ARID1B: variants seen among roughly 807,000 people sequenced by gnomAD.
ARID1B encodes the protein AT-rich interaction domain 1B, also known as AT-rich interactive domain-containing protein 1B.
Under a neutral mutation model 212.3 loss-of-function variants are expected in ARID1B, and 30 were observed. The ratio of observed to expected loss-of-function variants is 0.14; its 90% CI spans 0.11 to 0.19. The LOEUF (loss-of-function observed/expected upper bound fraction) is 0.19. ARID1B is among the 10% of genes least tolerant of loss of function. ARID1B has a pLI of 1.00. For missense variants in ARID1B, 2,891 were observed against 3,204.0 expected (o/e 0.90, Z 2.36); for synonymous variants, 1,402 against 1,301.7 (o/e 1.08, Z -1.66).
At chr6:157,085,997 A>G (rs1332417134) in intron 5 of ARID1B, among the ~76,000 whole-genome samples, 7 of 152,144 alleles carry the variant, frequency 4.6e-5, no homozygotes, top group Admixed American at 1.3e-4. Flanking sequence ...ACAAACATTC[A>G]TAGAGTATAT....
intron 7 of ARID1B, among the ~76,000 whole-genome samples, chr6:157,139,487 G>A (rs1439698925): frequency 2.0e-5 from 3 of 152,120 alleles, no homozygotes; most frequent in African/African-American, 4.8e-5. Context: ...GCAGCCGATC[G>A]GGACCCTCCC....
chr6:156,984,699 C>A (rs1263823236), intron 4 of ARID1B: 1 of 151,784 alleles, frequency 6.6e-6, no homozygotes, highest in East Asian at 1.9e-4. Flanking sequence ...TTTCCTTTTC[C>A]TTTTTTAGAG....
At chr6:156,975,630 T>TC (rs1378703160) in intron 4 of ARID1B, among the ~76,000 whole-genome samples, 12 of 149,312 alleles carry the variant, frequency 8.0e-5, no homozygotes, top group East Asian at 3.9e-4. Context: ...TTTTTTTTTT[T>TC]CAGTTCCTTA....
intron 6 of ARID1B, among the ~76,000 whole-genome samples, chr6:157,127,634 G>A (rs1205971674): frequency 6.6e-6 from 1 of 151,810 alleles, no homozygotes; most frequent in Non-Finnish European, 1.5e-5. Flanking sequence ...AAATTAGCCG[G>A]GCATGGTGGC....
intron 2 of ARID1B, among the ~76,000 whole-genome samples, chr6:156,843,981 A>G (rs1784069552): frequency 6.6e-6 from 1 of 151,928 alleles, no homozygotes. Flanking sequence ...TTGCTGTAGG[A>G]GTTTGCTGGG....
At chr6:157,158,419 G>A (rs1308622515) in intron 8 of ARID1B, among the ~76,000 whole-genome samples, 1 of 152,206 alleles carries the variant, frequency 6.6e-6, no homozygotes, top group Admixed American at 6.5e-5. Flanking sequence ...CTGCAACACA[G>A]TGATATAGGA....
chr6:157,210,315 C>T lies in ARID1B; in HGVS notation c.*2424C>T. The T allele has an allele frequency of 4.3e-6, 1 of 230,664 alleles. No homozygotes were observed. Among genetic ancestry groups the T allele is most frequent in the Non-Finnish European group, 8.6e-6 (1 of 116,516 alleles). 14.3% of individuals were successfully genotyped at this position (230,664 alleles called of 1,614,324 possible). A position where few individuals can be genotyped will look rare whatever the true frequency, so the allele number is the denominator to read the frequency against. The stretch of plus-strand genomic sequence containing the variant: ...AATTCAATATTATTCTAATTTCTCT[C>T]TTACAGAGTACAAATAAAAGGTGTA... On this transcript the variant is annotated 3_prime_UTR_variant, in exon 20 of 20. Transcript: ENST00000636930.
intron 4 of ARID1B, among the ~76,000 whole-genome samples, chr6:157,009,956 C>G (rs140842923): frequency 1.3e-5 from 2 of 152,190 alleles, no homozygotes; most frequent in Non-Finnish European, 2.9e-5. Context: ...CAGGACTCTA[C>G]AAAAGATTGT....
At chr6:156,822,743 A>G (rs560839083) in intron 1 of ARID1B, among the ~76,000 whole-genome samples, 111 of 152,036 alleles carry the variant, frequency 7.3e-4, no homozygotes, top group African/African-American at 2.6e-3. Context: ...AGTGTGTCCC[A>G]CAGTGGCTTC....
intron 8 of ARID1B, among the ~76,000 whole-genome samples, chr6:157,161,097 G>C (rs1790899968): frequency 6.6e-6 from 1 of 152,156 alleles, no homozygotes; most frequent in Admixed American, 6.5e-5. Context: ...CAAAGCAGTA[G>C]GTATTTCTGG....
In ARID1B at chr6:157,207,206, A is replaced by G. The variant is rs767544238; in HGVS notation, c.6434A>G (p.Asp2145Gly). 1 of 1,614,170 alleles carries G rather than the reference A, an allele frequency of 6.2e-7. No individual in the cohort carries two copies. The highest frequency in any genetic ancestry group is 2.2e-5 in the East Asian group (1 of 44,878). ...WWWDCLEVLRDNTLVTLANIS... is the reference protein window; with the variant it reads ...WWWDCLEVLRGNTLVTLANIS... ...TGGGACTGCCTCGAGGTCTTGAGGGATAACACGTTGGTCACGTTGGCCAAC... is the reference window on the plus strand; with the variant it reads ...TGGGACTGCCTCGAGGTCTTGAGGGGTAACACGTTGGTCACGTTGGCCAAC... The change falls in exon 20 of 20, where the codon GAT (aspartate) becomes GGT (glycine). Residue 2145 changes from aspartate (D) to glycine (G), a missense_variant. Asp to Gly is a moderately conservative substitution (Grantham distance 94). Around this residue, in one of 7 missense-constraint regions of ARID1B, gnomAD observed 187 missense variants for 306.5 expected, o/e 0.61. Transcript: ENST00000636930. This position sits in a 1 kb window ranked among gnomAD's most constrained non-coding sequence, Gnocchi z 8.5.
At position 157,039,802 on chromosome 6, in the gene ARID1B, TTCTC is replaced by T. The variant is rs530119764; in HGVS notation, c.2248-44858_2248-44855del. Among the ~76,000 whole-genome samples the T allele has an allele frequency of 8.7e-4, 123 of 141,324 alleles. 2 individuals carry two copies. Among genetic ancestry groups the T allele is most frequent in the African/African-American group, 3.1e-3 (113 of 36,364 alleles). 92.7% of individuals were successfully genotyped at this position (141,324 alleles called of 152,430 possible). On this transcript the variant is annotated intron_variant, in intron 4 of 19. Transcript: ENST00000636930. Reference sequence around the variant, plus strand: ...CTTCCTTCCTTCCTTCCTTCTTTCTTTCTCTTTCTTTCTTTTTCTCTCTTTCTCT... The same window carrying T: ...CTTCCTTCCTTCCTTCCTTCTTTCTTTTTCTTTCTTTTTCTCTCTTTCTCT...
chr6:157,165,346 A>G (rs985700458), intron 8 of ARID1B, among the ~76,000 whole-genome samples: 5 of 152,192 alleles, frequency 3.3e-5, no homozygotes, highest in Non-Finnish European at 7.3e-5. Context: ...CCTCATACCT[A>G]AGAATCTTTC....
chr6:156,839,947 AAG>A (rs1203740336), intron 2 of ARID1B, among the ~76,000 whole-genome samples: 1 of 152,236 alleles, frequency 6.6e-6, no homozygotes, highest in Non-Finnish European at 1.5e-5. Context: ...CGCAGGCTGC[AAG>A]AGAGGCTGCG....
At chr6:157,082,664 C>T (rs1784714238) in intron 4 of ARID1B, among the ~76,000 whole-genome samples, 1 of 152,206 alleles carries the variant, frequency 6.6e-6, no homozygotes, top group African/African-American at 2.4e-5. Flanking sequence ...ACTCCTCCTG[C>T]CTCAGCTTCC....
rs745875519 is a variant in ARID1B, at chr6:157,190,424, G to T, written c.4231+214G>T. On this transcript the variant is annotated intron_variant, in intron 15 of 19. Transcript: ENST00000636930. The surrounding 1 kb of genome is among the most constrained non-coding windows in gnomAD (Gnocchi z 4.6). ...TCCCCGGCTGGCCTCAGTGCCCTCA[G>T]CCTGTTCCCTGGCACATGCTCCCTG... is the stretch of plus-strand genomic sequence containing the variant. 6.6e-6 allele frequency among the ~76,000 whole-genome samples: 1 copy of T among 152,208 alleles called. No individual in the cohort carries two copies.
At chr6:156,798,570 A>G (rs930652016) in intron 1 of ARID1B, among the ~76,000 whole-genome samples, 2 of 152,260 alleles carry the variant, frequency 1.3e-5, no homozygotes, top group Admixed American at 6.5e-5. Context: ...AGAATATTTC[A>G]CTACCTTTGT....
Position 157,058,288 on chromosome 6 carries a change from G to A in ARID1B, c.2248-26374G>A, listed in dbSNP as rs7739037. Among the ~76,000 whole-genome samples, 5 of 144,128 alleles carry A rather than the reference G, an allele frequency of 3.5e-5. No homozygotes were observed. In the South Asian group the frequency reaches 6.5e-4, roughly 19 times the overall value. 94.6% of individuals were successfully genotyped at this position (144,128 alleles called of 152,430 possible). ...GGTCTTTTTTTTTTTTTTTTGAGAC[G>A]AAGTCTCACTCTGTTGCCCAAGCTG... On this transcript the variant is annotated intron_variant, in intron 4 of 19. Transcript: ENST00000636930.
In ARID1B at chr6:156,802,770, CTAAGTA is replaced by C. The variant is rs376226576; in HGVS notation, c.1791+23305_1791+23310del. On this transcript the variant is annotated intron_variant, in intron 1 of 19. Coordinates refer to ENST00000636930, the MANE Select transcript of ARID1B (RefSeq NM_001374828.1). ...ATGTATTGGCATTGTTTTTTTGTGGCTAAGTATAAGTTGAGGGTTATTGTTTATATT... is the reference window on the plus strand; with the variant it reads ...ATGTATTGGCATTGTTTTTTTGTGGCTAAGTTGAGGGTTATTGTTTATATT... Among the ~76,000 whole-genome samples the C allele has an allele frequency of 1.3e-3, 196 of 152,196 alleles. 2 individuals carry two copies. Among genetic ancestry groups the C allele is most frequent in the African/African-American group, 2.8e-3 (115 of 41,512 alleles).
Sources: allele counts gnomAD v4.1 joint callset (sites outside exome capture counted in the v4.1 genomes callset), GRCh38; gene constraint gnomAD v4.1.1; regional missense constraint gnomAD v4.1.1; non-coding constraint Gnocchi (gnomAD v3.1); transcripts MANE v1.5; gene names NCBI Gene and HGNC (gene_info 2026-07-23, HGNC 2026-07-21).